CYP4Z1: variants seen among roughly 807,000 people sequenced by gnomAD.
CYP4Z1 encodes the protein cytochrome P450 4Z1.
Under a neutral mutation model 54.2 loss-of-function variants are expected in CYP4Z1, and 41 were observed. The ratio of observed to expected loss-of-function variants is 0.76; its 90% CI spans 0.59 to 0.98. CYP4Z1 has a LOEUF of 0.98. Among genes scored for constraint, CYP4Z1 ranks in the 50% least tolerant of loss-of-function variants. The pLI is 0.00. For synonymous variants in CYP4Z1, 163 were observed against 206.2 expected (o/e 0.79, Z 1.79); for missense variants, 513 against 599.0 (o/e 0.86, Z 1.50).
chr1:47,063,764 A>G (rs1170524990), upstream of CYP4Z1, among the ~76,000 whole-genome samples: 1 of 152,190 alleles, frequency 6.6e-6, no homozygotes, highest in Non-Finnish European at 1.5e-5. Context: ...CAAAACTAAG[A>G]ATAATTGGTG....
At chr1:47,086,325 T>C (rs1644594398) in intron 6 of CYP4Z1, among the ~76,000 whole-genome samples, 3 of 152,204 alleles carry the variant, frequency 2.0e-5, no homozygotes, top group Admixed American at 1.3e-4. Flanking sequence ...GTAAAAGTGT[T>C]CCTATTTCTC....
intron 6 of CYP4Z1, among the ~76,000 whole-genome samples, chr1:47,093,398 C>T (rs1644653668): frequency 6.6e-6 from 1 of 152,204 alleles, no homozygotes; most frequent in African/African-American, 2.4e-5. Flanking sequence ...ACCCACACAA[C>T]CTTAGCTTAT....
At chr1:47,117,526 G>A (rs1272271469) in intron 11 of CYP4Z1, among the ~76,000 whole-genome samples, 1 of 151,990 alleles carries the variant, frequency 6.6e-6, no homozygotes, top group Non-Finnish European at 1.5e-5. Flanking sequence ...CAAGGTAGGC[G>A]GATTACTTGA....
Position 47,080,174 on chromosome 1 carries a change from A to G in CYP4Z1, c.320-449A>G, listed in dbSNP as rs1029965030. On this transcript the variant is annotated intron_variant, in intron 2 of 11. Transcript: ENST00000334194. The stretch of plus-strand genomic sequence containing the variant: ...TTATCTTTTCTTCTGATTCATTTAT[A>G]TACATCTTTCTCAAACAAATCCAAC... Among the ~76,000 whole-genome samples the G allele has an allele frequency of 8.6e-4, 109 of 126,512 alleles. 1 individual carries two copies. Among genetic ancestry groups the G allele is most frequent in the East Asian group, 6.3e-4 (1 of 1,576 alleles). 83.0% of individuals were successfully genotyped at this position (126,512 alleles called of 152,430 possible).
At position 47,084,678 on chromosome 1, in the gene CYP4Z1, C is replaced by T; in HGVS notation, c.551C>T (p.Ser184Phe). 1 of 1,607,904 alleles carries T rather than the reference C, an allele frequency of 6.2e-7. No individual in the cohort carries two copies. The highest frequency in any genetic ancestry group is 8.5e-7 in the Non-Finnish European group (1 of 1,177,648). Residue 184 changes from serine (S) to phenylalanine (F), a missense_variant, in exon 5 of 12, where the codon TCC becomes TTC. Transcript: ENST00000334194. ...CGTCTGGAGCTCTTTCAACATGTCT[C>T]CCTGATGACCCTGGACAGCATCATG... ...NSRLELFQHV[S>F]LMTLDSIMKC...
intron 9 of CYP4Z1, among the ~76,000 whole-genome samples, chr1:47,110,293 G>A (rs1644784535): frequency 1.3e-5 from 2 of 150,582 alleles, no homozygotes; most frequent in Admixed American, 6.6e-5. Flanking sequence ...AACACAATGG[G>A]TTTTGTGCCA....
intron 8 of CYP4Z1, among the ~76,000 whole-genome samples, chr1:47,100,105 T>C (rs1644710741): frequency 6.6e-6 from 1 of 152,194 alleles, no homozygotes; most frequent in Non-Finnish European, 1.5e-5. Context: ...TTATCTTCTG[T>C]TTGAAGTACA....
In CYP4Z1 at chr1:47,117,824, C is replaced by T; in HGVS notation, c.1408C>T (p.Leu470=). ...IECKVAVALT[L]LRFKLAPDHS... Reference sequence around the variant, plus strand: ...GTGTAAAGTGGCAGTGGCATTAACTCTGCTCCGCTTCAAGCTGGCTCCAGA... The same window carrying T: ...GTGTAAAGTGGCAGTGGCATTAACTTTGCTCCGCTTCAAGCTGGCTCCAGA... The change falls in exon 12 of 12, where the codon CTG becomes TTG. Residue 470 remains leucine, a synonymous_variant. Transcript: ENST00000334194. 4 of 1,613,758 alleles carry T rather than the reference C, an allele frequency of 2.5e-6. No homozygotes were observed. Among genetic ancestry groups the T allele is most frequent in the Non-Finnish European group, 3.4e-6 (4 of 1,179,814 alleles).
At chr1:47,056,047 G>T in the CYP4Z1 span, among the ~76,000 whole-genome samples, 1 of 151,870 alleles carries the variant, frequency 6.6e-6, no homozygotes, top group South Asian at 2.1e-4. Flanking sequence ...GCTTTCTCTT[G>T]TGGGCATTTA....
Position 47,118,299 on chromosome 1 carries a change from A to G in CYP4Z1, c.*365A>G, listed in dbSNP as rs560111673. The stretch of plus-strand genomic sequence containing the variant: ...GCTTTATTCTCAGTTATCTTTCCCC[A>G]TAATAAAAAATATCTGCCACCTTCT... On this transcript the variant is annotated 3_prime_UTR_variant, in exon 12 of 12. Transcript: ENST00000334194. 51 of 167,576 alleles carry G rather than the reference A, an allele frequency of 3.0e-4. 2 individuals are homozygous for G. The Middle Eastern group carries it at 9.0e-3, about 30-fold the overall frequency. The allele number at this position is 167,576 out of a possible 1,614,324, so 10.4% of individuals were successfully genotyped here. A position where few individuals can be genotyped will look rare whatever the true frequency, so the allele number is the denominator to read the frequency against.
chr1:47,098,844 T>C (rs1277914042), intron 7 of CYP4Z1, among the ~76,000 whole-genome samples: 1 of 152,206 alleles, frequency 6.6e-6, no homozygotes, highest in African/African-American at 2.4e-5. Flanking sequence ...AATTAATAAA[T>C]CATAAAATAT....
chr1:47,115,442 A>T, intron 9 of CYP4Z1, 87 bp from the exon 10 acceptor site: 1 of 1,241,952 alleles, frequency 8.1e-7, no homozygotes, highest in Non-Finnish European at 1.1e-6. Context: ...AACTTAAAGT[A>T]TAATTTTAAA....
chr1:47,112,114 C>T (rs1246096848), intron 9 of CYP4Z1, among the ~76,000 whole-genome samples: 3 of 151,774 alleles, frequency 2.0e-5, no homozygotes, highest in East Asian at 3.9e-4. Flanking sequence ...TTAACAAAGG[C>T]GAAAGCAAAA....
At position 47,085,667 on chromosome 1, in the gene CYP4Z1, G is replaced by A. The variant is rs144461296; in HGVS notation, c.772+689G>A. On this transcript the variant is annotated intron_variant, in intron 6 of 11. Transcript: ENST00000334194. ...CCATTTCTGTGCCCTTATATTTGCG[G>A]TTTATGTCTTTTTTTCTTTTTCTTT... Among the ~76,000 whole-genome samples the A allele has an allele frequency of 4.9e-3, 738 of 151,402 alleles. 5 individuals carry two copies. The highest frequency in any genetic ancestry group is 0.017 in the African/African-American group (697 of 41,212).
At chr1:47,084,020 C>T (rs921939501) in intron 4 of CYP4Z1, among the ~76,000 whole-genome samples, 5 of 152,004 alleles carry the variant, frequency 3.3e-5, no homozygotes, top group African/African-American at 4.8e-5. Flanking sequence ...TGGAGAACTT[C>T]GTCTCAATAA....
At chr1:47,089,913 A>G (rs1396250249) in intron 6 of CYP4Z1, among the ~76,000 whole-genome samples, 1 of 152,282 alleles carries the variant, frequency 6.6e-6, no homozygotes, top group Admixed American at 6.5e-5. Flanking sequence ...ATAACTTGCA[A>G]TATGATTGGG....
At position 47,095,947 on chromosome 1, in the gene CYP4Z1, C is replaced by T. The variant is rs144675899; in HGVS notation, c.876+1278C>T. 5.0e-3 allele frequency among the ~76,000 whole-genome samples: 756 copies of T among 152,272 alleles called. 7 individuals carry two copies. The highest frequency in any genetic ancestry group is 0.017 in the African/African-American group (708 of 41,550). ...GAGGGACCAAAAATAAATAGATACTCTGTGAGGGACCAAAATAAATAAATA... is the reference window on the plus strand; with the variant it reads ...GAGGGACCAAAAATAAATAGATACTTTGTGAGGGACCAAAATAAATAAATA... On this transcript the variant is annotated intron_variant, in intron 7 of 11. Coordinates refer to ENST00000334194, the MANE Select transcript of CYP4Z1 (RefSeq NM_178134.3).
intron 8 of CYP4Z1, among the ~76,000 whole-genome samples, chr1:47,104,899 A>T (rs1644746363): frequency 7.1e-6 from 1 of 140,276 alleles, no homozygotes; most frequent in Non-Finnish European, 1.5e-5. Flanking sequence ...GCTACTGGAG[A>T]GGGAGGGGCT....
At chr1:47,104,300 G>A (rs1191490477) in intron 8 of CYP4Z1, among the ~76,000 whole-genome samples, 1 of 152,204 alleles carries the variant, frequency 6.6e-6, no homozygotes, top group Non-Finnish European at 1.5e-5. Context: ...TTTTGTTGGG[G>A]AATGGGATAC....
Sources: gnomAD v4.1 joint callset for allele counts (sites outside exome capture counted in the v4.1 genomes callset) on GRCh38, gnomAD v4.1.1 for gene constraint, MANE v1.5 for transcripts, NCBI Gene and HGNC (gene_info 2026-07-23, HGNC 2026-07-21) for gene names.